The following OLR1 variants were observed in gnomAD, a reference collection of about 807,000 sequenced individuals.
OLR1 encodes oxidized low density lipoprotein receptor 1.
A neutral mutation model predicts 31.7 loss-of-function variants in OLR1; 23 were observed. The ratio of observed to expected loss-of-function variants is 0.72; its 90% CI spans 0.52 to 1.03. The LOEUF is 1.03. Among genes scored for constraint, OLR1 ranks in the 50% least tolerant of loss-of-function variants. OLR1 has a pLI of 0.00. For missense variants in OLR1, 286 were observed against 315.7 expected (o/e 0.91, Z 0.71); for synonymous variants, 117 against 115.8 (o/e 1.01, Z -0.07).
At chr12:10,166,978 G>C (rs780390894) in intron 2 of OLR1, 21 bp from the exon 3 acceptor site, 43 of 1,606,710 alleles carry the variant, frequency 2.7e-5, no homozygotes, top group Non-Finnish European at 3.7e-5. Context: ...GTTGCATTAA[G>C]ACTCTAGTTC....
At position 10,159,845 on chromosome 12, in the gene OLR1, A is replaced by G. The variant is rs779149604; in HGVS notation, c.*35T>C. ...TAGCTTAAATTCCAGAATAAAACTC[A>G]AAGACTTTTTTCTTTTCTTCCAGAG... is the stretch of plus-strand genomic sequence containing the variant. On this transcript the variant is annotated 3_prime_UTR_variant, in exon 6 of 6. Coordinates refer to ENST00000309539, the MANE Select transcript of OLR1 (RefSeq NM_002543.4). The G allele has an allele frequency of 1.9e-6, 3 of 1,567,796 alleles. No homozygotes were observed. The Admixed American group carries it at 5.3e-5, about 28-fold the overall frequency.
chr12:10,168,650 C>T (rs1591983029), intron 2 of OLR1, among the ~76,000 whole-genome samples: 1 of 152,140 alleles, frequency 6.6e-6, no homozygotes. Flanking sequence ...TGTGCCACCA[C>T]ACCCGGCTAC....
At position 10,167,908 on chromosome 12, in the gene OLR1, C is replaced by T. The variant is rs554878009; in HGVS notation, c.179-951G>A. ...TTTGATGGTGCAATACAAAGCAGACCGCTTGGTTTGAAGGCAGCTTTGATC... is the reference window on the plus strand; with the variant it reads ...TTTGATGGTGCAATACAAAGCAGACTGCTTGGTTTGAAGGCAGCTTTGATC... On this transcript the variant is annotated intron_variant, in intron 2 of 5. Coordinates refer to ENST00000309539, the MANE Select transcript of OLR1 (RefSeq NM_002543.4). Among the ~76,000 whole-genome samples the T allele has an allele frequency of 4.6e-5, 7 of 152,148 alleles. No homozygotes were observed. The East Asian group carries it at 7.7e-4, about 17-fold the overall frequency.
At chr12:10,161,370 A>G (rs973729821) in intron 3 of OLR1, among the ~76,000 whole-genome samples, 1 of 152,216 alleles carries the variant, frequency 6.6e-6, no homozygotes, top group African/African-American at 2.4e-5. Context: ...TTGGAAATAA[A>G]GAAAGTGAGG....
At position 10,172,049 on chromosome 12, in the gene OLR1, G is replaced by A; in HGVS notation, c.29C>T (p.Thr10Ile). The change falls in exon 1 of 6, where the codon ACT (threonine) becomes ATT (isoleucine). Residue 10 changes from threonine to isoleucine, a missense_variant. By Grantham distance (89) the Thr-to-Ile change is moderately conservative (BLOSUM62 -1). Transcript: ENST00000309539. Reference protein sequence around the residue: MTFDDLKIQTVKDQPDEKSN... With the variant: MTFDDLKIQIVKDQPDEKSN... Reference sequence around the variant, plus strand: ...CTTCTCATCAGGCTGGTCCTTCACAGTCTGGATCTTTAGGTCATCAAAAGT... The same window carrying A: ...CTTCTCATCAGGCTGGTCCTTCACAATCTGGATCTTTAGGTCATCAAAAGT... The A allele has an allele frequency of 6.2e-7, 1 of 1,613,742 alleles. No individual in the cohort carries two copies. Among genetic ancestry groups the A allele is most frequent in the Non-Finnish European group, 8.5e-7 (1 of 1,179,804 alleles).
chr12:10,163,937 A>C (rs1948640780), intron 3 of OLR1, among the ~76,000 whole-genome samples: 1 of 152,236 alleles, frequency 6.6e-6, no homozygotes, highest in Non-Finnish European at 1.5e-5. Flanking sequence ...TCTCAAAAAA[A>C]AAAAAATGCT....
intron 3 of OLR1, among the ~76,000 whole-genome samples, chr12:10,166,206 G>A (rs34441432): frequency 0.015 from 2,205 of 151,584 alleles, 51 homozygotes; most frequent in African/African-American, 0.05. Flanking sequence ...GCAAGACTCC[G>A]TCTAAAATTA....
upstream of OLR1, chr12:10,172,245 G>A (rs1948729116): frequency 1.2e-5 from 7 of 563,540 alleles, no homozygotes; most frequent in Admixed American, 1.2e-4. Context: ...TGGGAAGTTC[G>A]CTGACGCAAA....
chr12:10,165,214 G>A (rs1297953817), intron 3 of OLR1, among the ~76,000 whole-genome samples: 5 of 151,602 alleles, frequency 3.3e-5, no homozygotes, highest in Non-Finnish European at 7.4e-5. Context: ...AGTGAGCCGA[G>A]AATGTGCCAC....
intron 3 of OLR1, among the ~76,000 whole-genome samples, chr12:10,166,004 A>G (rs1051902614): frequency 6.6e-6 from 1 of 151,890 alleles, no homozygotes; most frequent in Non-Finnish European, 1.5e-5. Flanking sequence ...TGAGGTGAGG[A>G]GTTTGAGACC....
At position 10,158,620 on chromosome 12, in the gene OLR1, A is replaced by G. The variant is rs969706948; in HGVS notation, c.*1260T>C. ...TCAGGAGGAGCATTGTGACACTTTG[A>G]GGGATGATGGATATGTTCACTCTCT... On this transcript the variant is annotated 3_prime_UTR_variant, in exon 6 of 6. Coordinates refer to ENST00000309539, the MANE Select transcript of OLR1 (RefSeq NM_002543.4). The G allele has an allele frequency of 6.6e-6, 1 of 152,304 alleles. No individual in the cohort carries two copies. Among genetic ancestry groups the G allele is most frequent in the East Asian group, 1.9e-4 (1 of 5,186 alleles). 9.4% of individuals were successfully genotyped at this position (152,304 alleles called of 1,614,324 possible). A position where few individuals can be genotyped will look rare whatever the true frequency, so the allele number is the denominator to read the frequency against.
At chr12:10,171,420 C>T (rs1948715654) in intron 1 of OLR1, among the ~76,000 whole-genome samples, 1 of 152,140 alleles carries the variant, frequency 6.6e-6, no homozygotes, top group Admixed American at 6.5e-5. Context: ...TACAATTTTT[C>T]AAAGCAGTAG....
At chr12:10,164,275 T>C (rs909373190) in intron 3 of OLR1, among the ~76,000 whole-genome samples, 1 of 152,224 alleles carries the variant, frequency 6.6e-6, no homozygotes, top group African/African-American at 2.4e-5. Flanking sequence ...TTCTTGAAGG[T>C]GGTATATTCA....
At chr12:10,168,216 T>C (rs1363385763) in intron 2 of OLR1, among the ~76,000 whole-genome samples, 1 of 152,142 alleles carries the variant, frequency 6.6e-6, no homozygotes, top group African/African-American at 2.4e-5. Flanking sequence ...TGGGCCATCT[T>C]TTCACTTCTT....
chr12:10,172,803 G>T (rs1415909680), upstream of OLR1, among the ~76,000 whole-genome samples: 1 of 152,068 alleles, frequency 6.6e-6, no homozygotes, highest in Non-Finnish European at 1.5e-5. Flanking sequence ...GGAAATTAGG[G>T]ATAATGTCTA....
chr12:10,175,272 C>T (rs1178745724), upstream of OLR1: 2 of 152,190 alleles, frequency 1.3e-5, no homozygotes, highest in Non-Finnish European at 2.9e-5. Flanking sequence ...ATCTTTATCT[C>T]CCTGTCTAGA....
chr12:10,172,290 G>C (rs888197994), upstream of OLR1: 1 of 484,004 alleles, frequency 2.1e-6, no homozygotes, highest in Non-Finnish European at 3.7e-6. Flanking sequence ...TGGAGAAAGT[G>C]GTGATTCTGA....
At chr12:10,160,715 T>G in intron 4 of OLR1, 71 bp downstream of exon 4, 1 of 1,556,750 alleles carries the variant, frequency 6.4e-7, no homozygotes, top group Non-Finnish European at 8.8e-7. Context: ...ATTCCTCCAG[T>G]GACAGTTTAA....
Position 10,160,817 on chromosome 12 carries a change from T to C in OLR1, c.533A>G (p.Lys178Arg). The C allele has an allele frequency of 1.2e-6, 2 of 1,614,188 alleles. No homozygotes were observed. The highest frequency in any genetic ancestry group is 1.7e-6 in the Non-Finnish European group (2 of 1,180,006). ...SQEKCLSLDA[K>R]LLKINSTADL... The stretch of plus-strand genomic sequence containing the variant: ...AGCTGTGCTATTAATTTTCAGCAAC[T>C]TGGCATCCAAAGACAAGCACTTCTC... Residue 178 changes from lysine (K) to arginine (R), a missense_variant, in exon 4 of 6, where the codon AAG becomes AGG. By Grantham distance (26) the Lys-to-Arg change is conservative. Transcript: ENST00000309539.
Sources: allele counts gnomAD v4.1 joint callset (sites outside exome capture counted in the v4.1 genomes callset), GRCh38; gene constraint gnomAD v4.1.1; transcripts MANE v1.5; gene names NCBI Gene and HGNC (gene_info 2026-07-23, HGNC 2026-07-21).